FOXP2: variants seen among roughly 807,000 people sequenced by gnomAD.
FOXP2 encodes the protein forkhead box P2.
FOXP2 carries 12 observed loss-of-function variants against 115.8 expected under a neutral mutation model. The ratio of observed to expected loss-of-function variants is 0.10; its 90% CI spans 0.07 to 0.17. The LOEUF is 0.17. FOXP2 is among the 10% of genes least tolerant of loss of function. The pLI, the probability that FOXP2 is intolerant of heterozygous loss-of-function variation, is 1.00. For synonymous variants in FOXP2, 328 were observed against 297.7 expected (o/e 1.10, Z -1.05); for missense variants, 629 against 843.5 (o/e 0.75, Z 3.15).
At chr7:114,419,705 T>TAC (rs1350312525) in intron 1 of FOXP2, 3 of 144,654 alleles carry the variant, frequency 2.1e-5, no homozygotes, top group Admixed American at 6.9e-5. Flanking sequence ...GTCGCTTACA[T>TAC]ACACATAGAC....
intron 2 of FOXP2, among the ~76,000 whole-genome samples, chr7:114,324,096 A>G (rs1797496423): frequency 6.6e-6 from 1 of 151,892 alleles, no homozygotes; most frequent in Non-Finnish European, 1.5e-5. Flanking sequence ...CTGTTGTTGG[A>G]ATTTTCTGTC....
At chr7:114,259,684 C>G (rs1795699505) in intron 1 of FOXP2, among the ~76,000 whole-genome samples, 1 of 152,072 alleles carries the variant, frequency 6.6e-6, no homozygotes, top group Non-Finnish European at 1.5e-5. Context: ...GGAAATATGA[C>G]ATTGCGAAAA....
chr7:114,281,818 G>T (rs897145188), intron 1 of FOXP2, among the ~76,000 whole-genome samples: 1 of 151,916 alleles, frequency 6.6e-6, no homozygotes, highest in South Asian at 2.1e-4. Flanking sequence ...TTTTTTCAAG[G>T]TACAGTTTTA....
chr7:114,110,669 T>C (rs529697297), intron 1 of FOXP2, among the ~76,000 whole-genome samples: 1 of 152,280 alleles, frequency 6.6e-6, no homozygotes, highest in African/African-American at 2.4e-5. Context: ...ACATTTCTTA[T>C]GATTATACAT....
At position 114,284,691 on chromosome 7, in the gene FOXP2, G is replaced by T. The variant is rs115106849; in HGVS notation, c.-101-3328G>T. On this transcript the variant is annotated intron_variant, in intron 1 of 17. Transcript: ENST00000634411. ...AAAAACAGAACTACCATTCAACACAGCAATCCTGTTACTGGGTGTATACCC... is the reference window on the plus strand; with the variant it reads ...AAAAACAGAACTACCATTCAACACATCAATCCTGTTACTGGGTGTATACCC... 2.0e-5 allele frequency among the ~76,000 whole-genome samples: 3 copies of T among 152,204 alleles called. No homozygotes were observed. In the East Asian group the frequency reaches 5.8e-4, roughly 29 times the overall value.
At chr7:114,566,136 C>A (rs1801006834) in intron 3 of FOXP2, among the ~76,000 whole-genome samples, 2 of 152,078 alleles carry the variant, frequency 1.3e-5, no homozygotes, top group Non-Finnish European at 2.9e-5. Context: ...TCAGCAAACA[C>A]AACAAAACAG....
upstream of FOXP2, among the ~76,000 whole-genome samples, chr7:114,413,768 A>G (rs534040961): frequency 1.3e-5 from 2 of 152,160 alleles, no homozygotes; most frequent in Non-Finnish European, 2.9e-5. Context: ...TAAATGTGCA[A>G]CAAAAGTAGT....
At chr7:114,341,702 A>G (rs1300969070) in intron 2 of FOXP2, among the ~76,000 whole-genome samples, 2 of 151,112 alleles carry the variant, frequency 1.3e-5, no homozygotes, top group South Asian at 4.2e-4. Flanking sequence ...TCTAGGTCTC[A>G]TTTTTTTCTT....
chr7:114,256,868 G>A (rs954712786), intron 1 of FOXP2, among the ~76,000 whole-genome samples: 2 of 152,122 alleles, frequency 1.3e-5, no homozygotes, highest in African/African-American at 4.8e-5. Flanking sequence ...TGGCCATACT[G>A]CCCAAAGTAA....
chr7:114,490,470 A>G (rs1796987777), intron 2 of FOXP2, among the ~76,000 whole-genome samples: 1 of 152,016 alleles, frequency 6.6e-6, no homozygotes, highest in Admixed American at 6.6e-5. Context: ...ACTACTTTCT[A>G]TGATATTCTA....
intron 2 of FOXP2, among the ~76,000 whole-genome samples, chr7:114,336,188 C>T (rs1797850592): frequency 6.6e-6 from 1 of 150,454 alleles, no homozygotes. Flanking sequence ...TTTAATATGA[C>T]AGAAAAAATA....
intron 1 of FOXP2, among the ~76,000 whole-genome samples, chr7:114,280,505 T>A (rs1451168711): frequency 1.3e-5 from 2 of 152,148 alleles, no homozygotes; most frequent in African/African-American, 4.8e-5. Context: ...TATGTGACTT[T>A]AATAGCTCTC....
chr7:114,539,486 G>C (rs115919094), intron 3 of FOXP2, among the ~76,000 whole-genome samples: 1,732 of 151,816 alleles, frequency 0.011, 26 homozygotes, highest in African/African-American at 0.036. Context: ...AGTTTTTAAA[G>C]ATATTCTTTA....
At chr7:114,666,354 T>A (rs1187212243) in intron 16 of FOXP2, 1 of 152,100 alleles carries the variant, frequency 6.6e-6, no homozygotes, top group East Asian at 1.9e-4. Flanking sequence ...CATTCTTAAA[T>A]CTGTTTCTGC....
At chr7:114,094,876 GA>G (rs911003020) in intron 1 of FOXP2, among the ~76,000 whole-genome samples, 10 of 151,518 alleles carry the variant, frequency 6.6e-5, no homozygotes, top group East Asian at 1.9e-4. Context: ...TCCAGGTTGG[GA>G]AAAAAAACCC....
At chr7:114,344,298 C>A (rs1419735883) in intron 2 of FOXP2, among the ~76,000 whole-genome samples, 1 of 151,680 alleles carries the variant, frequency 6.6e-6, no homozygotes, top group Non-Finnish European at 1.5e-5. Flanking sequence ...AAACCCTATA[C>A]CCACTTTAAA....
At chr7:114,529,607 A>G (rs1029055334) in intron 2 of FOXP2, among the ~76,000 whole-genome samples, 1 of 151,994 alleles carries the variant, frequency 6.6e-6, no homozygotes, top group Non-Finnish European at 1.5e-5. Flanking sequence ...TTTATGTAAC[A>G]TATACTGTAA....
intron 16 of FOXP2, among the ~76,000 whole-genome samples, chr7:114,682,236 C>CTA (rs2129350687): frequency 6.6e-6 from 1 of 152,250 alleles, no homozygotes; most frequent in Admixed American, 6.5e-5. Flanking sequence ...TCAAAGCCCA[C>CTA]TATATTCTTA....
At chr7:114,668,510 C>T (rs1034289467) in intron 16 of FOXP2, 34 of 152,138 alleles carry the variant, frequency 2.2e-4, no homozygotes, top group African/African-American at 7.7e-4. Context: ...TTCTACCTTT[C>T]CTTACAGGAC....
Sources: gnomAD v4.1 joint callset for allele counts (sites outside exome capture counted in the v4.1 genomes callset) on GRCh38, gnomAD v4.1.1 for gene constraint, MANE v1.5 for transcripts, NCBI Gene and HGNC (gene_info 2026-07-23, HGNC 2026-07-21) for gene names.